SCUBE2: variants seen among roughly 807,000 people sequenced by gnomAD.
The protein encoded by SCUBE2 is signal peptide, CUB domain and EGF like domain containing 2, also known as signal peptide, CUB and EGF-like domain-containing protein 2.
In SCUBE2, 114 loss-of-function variants were observed where a neutral mutation model predicts 125.9. That is an observed-to-expected ratio of 0.91 (90% CI 0.78 to 1.06). The LOEUF (loss-of-function observed/expected upper bound fraction) is 1.06. Ranked by LOEUF, SCUBE2 falls within the 50% of genes least tolerant of loss-of-function variation. SCUBE2 has a pLI of 0.00. For synonymous variants in SCUBE2, 459 were observed against 492.9 expected, an observed-to-expected ratio of 0.93 and a Z score of 0.91; for missense variants, 1,255 against 1,301.8, an observed-to-expected ratio of 0.96 and a Z score of 0.55.
intron 16 of SCUBE2, among the ~76,000 whole-genome samples, chr11:9,034,891 G>A (rs961149665): frequency 2.0e-5 from 3 of 152,276 alleles, no homozygotes. Context: ...AGCTACTTGG[G>A]AGGCAAGGCA....
intron 4 of SCUBE2, among the ~76,000 whole-genome samples, chr11:9,073,992 C>T (rs549132870): frequency 2.0e-5 from 3 of 152,114 alleles, no homozygotes; most frequent in Non-Finnish European, 4.4e-5. Flanking sequence ...TTCTGCCCCT[C>T]GGAGCTCAAA....
intron 4 of SCUBE2, among the ~76,000 whole-genome samples, chr11:9,074,114 C>T (rs1204014642): frequency 6.6e-6 from 1 of 152,186 alleles, no homozygotes; most frequent in Admixed American, 6.5e-5. Flanking sequence ...GAGCAGGGAG[C>T]AGGCTCATAC....
chr11:9,050,708 C>T lies in SCUBE2; in HGVS notation c.1537G>A (p.Val513Ile), dbSNP rs769266237. Residue 513 changes from valine to isoleucine, a missense_variant and splice_region_variant, in exon 14 of 23, where the codon GTC becomes ATC. Physicochemically the swap from Val to Ile is conservative, Grantham distance 29. Around this residue, in one of 3 missense-constraint regions of SCUBE2, gnomAD observed 378 missense variants for 463.1 expected, o/e 0.82. Transcript: ENST00000649792. Reference sequence around the variant, plus strand: ...GTTACACTTGTCCTGATGGTGGTGACATCTTCAGAAAGAAACAAGTGAGAG... The same window carrying T: ...GTTACACTTGTCCTGATGGTGGTGATATCTTCAGAAAGAAACAAGTGAGAG... The part of the protein sequence containing the change: ...QKSNDSAFGD[V>I]TTIRTSVTFK... 2.5e-6 allele frequency: 4 copies of T among 1,612,024 alleles called. No homozygotes were observed. In the South Asian group the frequency reaches 4.4e-5, roughly 18 times the overall value.
At chr11:9,038,119 GAGA>G (rs1280992328) in intron 16 of SCUBE2, among the ~76,000 whole-genome samples, 1 of 10,704 alleles carries the variant, frequency 9.3e-5, no homozygotes, top group Non-Finnish European at 5.0e-3. Context: ...AGACACAGCA[GAGA>G]AGAGACATGA....
chr11:9,061,633 A>G (rs1859698851), intron 7 of SCUBE2, among the ~76,000 whole-genome samples: 1 of 152,138 alleles, frequency 6.6e-6, no homozygotes, highest in Admixed American at 6.5e-5. Flanking sequence ...AAATATGCAG[A>G]TAGTACATGT....
Position 9,037,352 on chromosome 11 carries a change from C to T in SCUBE2, c.2003-3556G>A, listed in dbSNP as rs555887930. On this transcript the variant is annotated intron_variant, in intron 16 of 22. Coordinates refer to ENST00000649792, the MANE Select transcript of SCUBE2 (RefSeq NM_001367977.2). ...TTTTTCTCCTTCTTTAAAAAAGATA[C>T]GAGAAAGCTTTTCTGATGCAAAAGG... Among the ~76,000 whole-genome samples, 10 of 152,260 alleles carry T rather than the reference C, an allele frequency of 6.6e-5. No individual in the cohort carries two copies. The East Asian group carries it at 7.7e-4, about 12-fold the overall frequency.
intron 7 of SCUBE2, among the ~76,000 whole-genome samples, chr11:9,061,400 T>C (rs1859671147): frequency 6.6e-6 from 1 of 151,756 alleles, no homozygotes; most frequent in South Asian, 2.1e-4. Context: ...TCTACACAAA[T>C]TTTAAAAAAT....
At chr11:9,025,013 C>T (rs911695121) in intron 21 of SCUBE2, among the ~76,000 whole-genome samples, 1 of 152,348 alleles carries the variant, frequency 6.6e-6, no homozygotes, top group East Asian at 1.9e-4. Flanking sequence ...TGACTCCTCT[C>T]CTACAGGACT....
At chr11:9,050,386 G>A (rs1858223367) in intron 14 of SCUBE2, 3 of 520,572 alleles carry the variant, frequency 5.8e-6, no homozygotes, top group Non-Finnish European at 3.4e-6. Context: ...CCATGCAAAG[G>A]AAGCCCCGAA....
intron 10 of SCUBE2, among the ~76,000 whole-genome samples, chr11:9,054,855 C>A (rs1055502514): frequency 3.3e-5 from 5 of 149,460 alleles, no homozygotes; most frequent in African/African-American, 1.2e-4. Context: ...CCTGCCTCAG[C>A]TCCCAAGTAG....
intron 16 of SCUBE2, among the ~76,000 whole-genome samples, chr11:9,041,499 G>A (rs1295705753): frequency 1.3e-5 from 2 of 152,222 alleles, no homozygotes; most frequent in East Asian, 3.8e-4. Flanking sequence ...GAGGTATGGA[G>A]AAGCAGAAGT....
chr11:9,062,654 G>A (rs762486365), intron 7 of SCUBE2, among the ~76,000 whole-genome samples: 1 of 152,074 alleles, frequency 6.6e-6, no homozygotes, highest in Non-Finnish European at 1.5e-5. Context: ...TCCTCAGGGG[G>A]ACAAGAAAAG....
chr11:9,059,462 T>C, intron 8 of SCUBE2, 37 bp from the exon 9 acceptor site: 3 of 1,591,916 alleles, frequency 1.9e-6, no homozygotes, highest in East Asian at 4.5e-5. Flanking sequence ...CAGAGAGCAA[T>C]ACTTGCCTCA....
In SCUBE2 at chr11:9,046,234, T is replaced by C. The variant is rs186711430; in HGVS notation, c.2002+1122A>G. On this transcript the variant is annotated intron_variant, in intron 16 of 22. Coordinates refer to ENST00000649792, the MANE Select transcript of SCUBE2 (RefSeq NM_001367977.2). Reference sequence around the variant, plus strand: ...CATGCTGGCCAGGATGGTCTCGATCTCCTGACCTCGTGATCTGCCCGCCTT... The same window carrying C: ...CATGCTGGCCAGGATGGTCTCGATCCCCTGACCTCGTGATCTGCCCGCCTT... Among the ~76,000 whole-genome samples, 443 of 152,134 alleles carry C rather than the reference T, an allele frequency of 2.9e-3. 1 individual carries two copies. The highest frequency in any genetic ancestry group is 0.01 in the African/African-American group (419 of 41,506).
chr11:9,045,616 C>G (rs1019154041), intron 16 of SCUBE2, among the ~76,000 whole-genome samples: 1,584 of 100,352 alleles, frequency 0.016, 8 homozygotes, highest in Middle Eastern at 0.024. Flanking sequence ...GACAGACACA[C>G]ACACACACAC....
chr11:9,045,293 G>A (rs1225978758), intron 16 of SCUBE2, among the ~76,000 whole-genome samples: 3 of 152,142 alleles, frequency 2.0e-5, no homozygotes, highest in Non-Finnish European at 4.4e-5. Flanking sequence ...TTAGGGAGCT[G>A]TGGAGAGAAC....
chr11:9,089,636 G>A, intron 2 of SCUBE2, 71 bp downstream of exon 2: 1 of 1,550,166 alleles, frequency 6.5e-7, no homozygotes, highest in Non-Finnish European at 8.8e-7. Context: ...ACCAACATAA[G>A]TGGCCACTGC....
At chr11:9,053,568 C>A in intron 11 of SCUBE2, 69 bp downstream of exon 11, 1 of 1,577,610 alleles carries the variant, frequency 6.3e-7, no homozygotes, top group Non-Finnish European at 8.6e-7. Flanking sequence ...TGTGGGAGCA[C>A]GCAGAGCTGC....
chr11:9,076,483 G>A (rs1861223633), intron 3 of SCUBE2, among the ~76,000 whole-genome samples: 1 of 151,828 alleles, frequency 6.6e-6, no homozygotes, highest in Non-Finnish European at 1.5e-5. Context: ...GCACAGCCCT[G>A]GAATACAGCA....
Sources: allele counts gnomAD v4.1 joint callset (sites outside exome capture counted in the v4.1 genomes callset), GRCh38; gene constraint gnomAD v4.1.1; regional missense constraint gnomAD v4.1.1; transcripts MANE v1.5; gene names NCBI Gene and HGNC (gene_info 2026-07-23, HGNC 2026-07-21).